The following PPP6R1 variants were observed in gnomAD, a reference collection of about 807,000 sequenced individuals.
PPP6R1 encodes protein phosphatase 6 regulatory subunit 1.
Under a neutral mutation model 104.6 loss-of-function variants are expected in PPP6R1, and 39 were observed. The observed-to-expected ratio is 0.37, with a 90% CI of 0.29 to 0.49. The LOEUF is 0.49. PPP6R1 is among the 20% of genes least tolerant of loss of function. The probability of loss-of-function intolerance (pLI) is 0.98; values close to 1 mark genes in which losing one functional copy is unlikely to be tolerated. For synonymous variants in PPP6R1, 549 were observed against 479.0 expected (o/e 1.15, Z -1.91); for missense variants, 1,181 against 1,155.8 (o/e 1.02, Z -0.32).
chr19:55,228,726 C>G (rs2087310006), downstream of PPP6R1: 1 of 1,613,198 alleles, frequency 6.2e-7, no homozygotes, highest in African/African-American at 1.3e-5. Context: ...GTCTGCCCCG[C>G]TTTGCCAGCG....
intron 1 of PPP6R1, among the ~76,000 whole-genome samples, chr19:55,256,247 G>A (rs2087592285): frequency 6.6e-6 from 1 of 152,144 alleles, no homozygotes; most frequent in South Asian, 2.1e-4. Context: ...AAGCCACAAC[G>A]ACACACCATA....
At chr19:55,228,308 C>T (rs544217785), downstream of PPP6R1, 32 of 1,613,742 alleles carry the variant, frequency 2.0e-5, no homozygotes, top group East Asian at 6.9e-4. Flanking sequence ...AGGAACCCAG[C>T]CAGGCAGAGG....
Position 55,241,658 on chromosome 19 carries a change from G to C in PPP6R1, c.846-19C>G. The C allele has an allele frequency of 2.6e-6, 4 of 1,548,054 alleles. No individual in the cohort carries two copies. Among genetic ancestry groups the C allele is most frequent in the Non-Finnish European group, 3.5e-6 (4 of 1,146,666 alleles). ...CTCGGACCTGCAGCAGGGCAGGGTC[G>C]AAGGCGGAGTGAGCCTAGATGGCCT... On this transcript the variant is annotated intron_variant, in intron 7 of 23. Transcript: ENST00000412770. The surrounding 1 kb of genome is among the most constrained non-coding windows in gnomAD (Gnocchi z 5.4).
chr19:55,231,384 C>G (rs569220063), intron 21 of PPP6R1, 26 bp downstream of exon 21: 2 of 1,563,920 alleles, frequency 1.3e-6, no homozygotes, highest in East Asian at 4.7e-5. Context: ...TCTCCCGATA[C>G]TAGGCAGCCC....
At position 55,232,113 on chromosome 19, in the gene PPP6R1, G is replaced by A. The variant is rs777705487; in HGVS notation, c.2087C>T (p.Thr696Ile). 12 of 1,605,850 alleles carry A rather than the reference G, an allele frequency of 7.5e-6. No individual in the cohort carries two copies. In the South Asian group the frequency reaches 1.3e-4, roughly 18 times the overall value. ...GIGCAARGGA[T>I]PLSYPSPGPQ... ...GCCAGGGCTGGGGTAGGACAGAGGG[G>A]TGGCCCCTCCACGGGCTGCACAGCC... is the stretch of plus-strand genomic sequence containing the variant. The change falls in exon 18 of 24, where the codon ACC (threonine) becomes ATC (isoleucine). Residue 696 changes from threonine to isoleucine, a missense_variant. Around this residue, in one of 2 missense-constraint regions of PPP6R1, gnomAD observed 1,042 missense variants for 955.6 expected, o/e 1.09. Transcript: ENST00000412770.
intron 1 of PPP6R1, among the ~76,000 whole-genome samples, chr19:55,252,942 G>A (rs889999372): frequency 1.3e-5 from 2 of 152,122 alleles, no homozygotes; most frequent in Non-Finnish European, 2.9e-5. Context: ...ACAGAGCCAG[G>A]GCCAGGCTCA....
At chr19:55,249,833 C>G (rs906410924) in intron 1 of PPP6R1, among the ~76,000 whole-genome samples, 2 of 151,296 alleles carry the variant, frequency 1.3e-5, no homozygotes, top group African/African-American at 2.4e-5. Flanking sequence ...GAGCAACACT[C>G]TGTCTCGGAA....
At chr19:55,232,272 G>A in intron 17 of PPP6R1, 61 bp from the exon 18 acceptor site, 2 of 1,483,926 alleles carry the variant, frequency 1.3e-6, no homozygotes, top group East Asian at 2.5e-5. Context: ...CACCCATCCT[G>A]TTCCCTGCAG....
intron 1 of PPP6R1, among the ~76,000 whole-genome samples, chr19:55,253,864 C>T (rs544629142): frequency 6.6e-5 from 10 of 152,274 alleles, no homozygotes; most frequent in Middle Eastern, 3.4e-3. Context: ...TGAACCTGGG[C>T]AGGCGCTTGA....
intron 17 of PPP6R1, among the ~76,000 whole-genome samples, chr19:55,235,590 C>T (rs901095688): frequency 2.0e-5 from 3 of 151,334 alleles, no homozygotes; most frequent in African/African-American, 7.3e-5. Context: ...GCAATCTTGG[C>T]TCACTGCAAG....
chr19:55,230,888 T>C lies in PPP6R1; in HGVS notation c.2460-4A>G. 1.3e-6 allele frequency: 2 copies of C among 1,598,946 alleles called. No individual in the cohort carries two copies. Among genetic ancestry groups the C allele is most frequent in the African/African-American group, 2.7e-5 (2 of 74,830 alleles). On this transcript the variant is annotated splice_polypyrimidine_tract_variant and splice_region_variant and intron_variant, in intron 21 of 23. Transcript: ENST00000412770. ...GGTAGAGGGGTCTCTGGTTGCACTG[T>C]GGGTGAGAGGCAGGTGCGGCTGTCA...
At chr19:55,239,224 GGCAGACACACGAGGCT>G (rs2087426171) in intron 15 of PPP6R1, 165 bp downstream of exon 15, 1 of 623,656 alleles carries the variant, frequency 1.6e-6, no homozygotes, top group Non-Finnish European at 2.9e-6. Context: ...TGTAACAGGA[GGCAGACACACGAGGCT>G]GCAGACACAC....
Position 55,239,598 on chromosome 19 carries a change from T to G in PPP6R1, c.1649A>C (p.Gln550Pro). ...EFNFPEEAVL[Q>P]QAFMDFQMQR... ...CCCACATAGCCCCACGCCCACCTGCTGCAGCACAGCCTCCTCAGGGAAGTT... is the reference window on the plus strand; with the variant it reads ...CCCACATAGCCCCACGCCCACCTGCGGCAGCACAGCCTCCTCAGGGAAGTT... Residue 550 changes from glutamine to proline, a missense_variant, in exon 14 of 24, where the codon CAG becomes CCG. Physicochemically the swap from Gln to Pro is moderately conservative, Grantham distance 76. Around this residue, in one of 2 missense-constraint regions of PPP6R1, gnomAD observed 1,042 missense variants for 955.6 expected, o/e 1.09. Coordinates refer to ENST00000412770, the MANE Select transcript of PPP6R1 (RefSeq NM_014931.4). 6.2e-7 allele frequency: 1 copy of G among 1,611,166 alleles called. No homozygotes were observed. The highest frequency in any genetic ancestry group is 8.5e-7 in the Non-Finnish European group (1 of 1,178,632).
In PPP6R1 at chr19:55,241,551, A is replaced by C. The variant is rs1452563741; in HGVS notation, c.934T>G (p.Ser312Ala). The change falls in exon 8 of 24, where the codon TCC becomes GCC. Residue 312 changes from serine (S) to alanine (A), a missense_variant. Physicochemically the swap from Ser to Ala is moderately conservative, Grantham distance 99. This residue lies in a region of PPP6R1 where 1,042 missense variants were observed against 955.6 expected (regional missense o/e 1.09). Coordinates refer to ENST00000412770, the MANE Select transcript of PPP6R1 (RefSeq NM_014931.4). The surrounding 1 kb of genome is among the most constrained non-coding windows in gnomAD (Gnocchi z 5.4). ...AGGGCGTGCAAGGCGCCCACACTGGACACAGTGCTTTCCAGGGCCCCCTGG... is the reference window on the plus strand; with the variant it reads ...AGGGCGTGCAAGGCGCCCACACTGGCCACAGTGCTTTCCAGGGCCCCCTGG... ...LAQGALESTVSSVGALHALRP... is the reference protein window; with the variant it reads ...LAQGALESTVASVGALHALRP... 1 of 1,580,216 alleles carries C rather than the reference A, an allele frequency of 6.3e-7. No individual in the cohort carries two copies. The highest frequency in any genetic ancestry group is 8.6e-7 in the Non-Finnish European group (1 of 1,164,430).
At chr19:55,234,190 A>G (rs1220528250) in intron 17 of PPP6R1, among the ~76,000 whole-genome samples, 2 of 152,248 alleles carry the variant, frequency 1.3e-5, no homozygotes, top group African/African-American at 2.4e-5. Context: ...CAGGTGATCC[A>G]TCCACCTTGG....
At position 55,230,511 on chromosome 19, in the gene PPP6R1, G is replaced by A. The variant is rs372909415; in HGVS notation, c.*17C>T. ...CGGGAGGACGGAAGATTTGGCCGCC[G>A]CTGCCGCACCAGGCAGCTATCTGGA... On this transcript the variant is annotated 3_prime_UTR_variant, in exon 24 of 24. Coordinates refer to ENST00000412770, the MANE Select transcript of PPP6R1 (RefSeq NM_014931.4). 94 of 1,612,876 alleles carry A rather than the reference G, an allele frequency of 5.8e-5. No individual in the cohort carries two copies. The African/African-American group carries it at 1.2e-3, about 21-fold the overall frequency.
In PPP6R1 at chr19:55,236,656, G is replaced by C. The variant is rs1468271561; in HGVS notation, c.1975C>G (p.Pro659Ala). 2.6e-6 allele frequency: 4 copies of C among 1,568,204 alleles called. No individual in the cohort carries two copies. Among genetic ancestry groups the C allele is most frequent in the Non-Finnish European group, 3.4e-6 (4 of 1,161,046 alleles). ...QLARGARLGQ[P>A]PGVRSGGSTD... ...AGGGGGACTCACCGGACACCAGGTGGCTGGCCCAGACGGGCCCCCCTGGCC... is the reference window on the plus strand; with the variant it reads ...AGGGGGACTCACCGGACACCAGGTGCCTGGCCCAGACGGGCCCCCCTGGCC... The change falls in exon 17 of 24, where the codon CCA becomes GCA. Residue 659 changes from proline to alanine, a missense_variant. Coordinates refer to ENST00000412770, the MANE Select transcript of PPP6R1 (RefSeq NM_014931.4).
intron 7 of PPP6R1, 93 bp downstream of exon 7, chr19:55,242,073 A>G (rs1040746072): frequency 4.6e-5 from 56 of 1,222,298 alleles, no homozygotes; most frequent in Admixed American, 4.2e-4. Context: ...ACGGGCGGGG[A>G]TTTCTCTTGG....
rs189017786 is a variant in PPP6R1, at chr19:55,233,155, T to C, written c.1989-944A>G. The C allele has an allele frequency of 2.0e-5, 3 of 152,352 alleles. No homozygotes were observed. The East Asian group carries it at 5.8e-4, about 29-fold the overall frequency. The allele number at this position is 152,352 out of a possible 1,614,324, so 9.4% of individuals were successfully genotyped here. A position where few individuals can be genotyped will look rare whatever the true frequency, so the allele number is the denominator to read the frequency against. ...GTCCATCGCTGACCCAAAGATGCAG[T>C]ATGGGACTATATACTATGTCTAAAA... On this transcript the variant is annotated intron_variant, in intron 17 of 23. Transcript: ENST00000412770.
Sources: allele counts gnomAD v4.1 joint callset (sites outside exome capture counted in the v4.1 genomes callset), GRCh38; gene constraint gnomAD v4.1.1; regional missense constraint gnomAD v4.1.1; non-coding constraint Gnocchi (gnomAD v3.1); transcripts MANE v1.5; gene names NCBI Gene and HGNC (gene_info 2026-07-23, HGNC 2026-07-21).